Variants in KIF21A observed in about 807,000 individuals in gnomAD.
KIF21A encodes the protein kinesin family member 21A, also known as kinesin-like protein KIF21A.
A neutral mutation model predicts 202.9 loss-of-function variants in KIF21A; 114 were observed. That is an observed-to-expected ratio of 0.56 (90% confidence interval 0.48 to 0.66). The LOEUF is 0.66. Among genes scored for constraint, KIF21A ranks in the 30% least tolerant of loss-of-function variants. The pLI, the probability that KIF21A is intolerant of heterozygous loss-of-function variation, is 0.00. For synonymous variants in KIF21A, 667 were observed against 670.8 expected, an observed-to-expected ratio of 0.99 and a Z score of 0.09; for missense variants, 1,677 against 1,994.9, an observed-to-expected ratio of 0.84 and a Z score of 3.04.
Position 39,358,197 on chromosome 12 carries a change from TC to T in KIF21A, c.1195del (p.Glu399SerfsTer11). 1 of 1,614,046 alleles carries T rather than the reference TC, an allele frequency of 6.2e-7. No homozygotes were observed. The highest frequency in any genetic ancestry group is 1.7e-4 in the Middle Eastern group (1 of 6,060). ...LRSEITRLQM[E>X]LMEYKTGKRI... ...GCTTACTGTTTTGTACTCCATGAGC[TC>T]CATCTGAAGTCGTGTGATTTCACTA... On this transcript the variant is annotated frameshift_variant, in exon 8 of 38. Transcript: ENST00000361418. LOFTEE classifies it high-confidence loss of function.
chr12:39,305,064 T>C, intron 34 of KIF21A, 126 bp from the exon 35 acceptor site: 4 of 620,810 alleles, frequency 6.4e-6, no homozygotes, highest in Admixed American at 2.4e-5. Flanking sequence ...TCTTTGTATA[T>C]GTTTAGAGAT....
At chr12:39,436,994 T>C (rs1267533069) in intron 1 of KIF21A, among the ~76,000 whole-genome samples, 1 of 152,218 alleles carries the variant, frequency 6.6e-6, no homozygotes, top group African/African-American at 2.4e-5. Context: ...ACTCAGATTA[T>C]GTCAGGCCAC....
chr12:39,440,294 C>A (rs1411747518), intron 1 of KIF21A, among the ~76,000 whole-genome samples: 1 of 152,174 alleles, frequency 6.6e-6, no homozygotes. Flanking sequence ...CTCACTTCCG[C>A]AGGGTTAATG....
intron 1 of KIF21A, among the ~76,000 whole-genome samples, chr12:39,432,100 T>C (rs77198622): frequency 0.015 from 2,219 of 152,218 alleles, 29 homozygotes; most frequent in Non-Finnish European, 0.022. Flanking sequence ...TGAACTGAGG[T>C]GAAAGCAAGC....
Position 39,366,511 on chromosome 12 carries a change from C to A in KIF21A, c.742G>T (p.Ala248Ser). 1 of 1,600,246 alleles carries A rather than the reference C, an allele frequency of 6.2e-7. No homozygotes were observed. The highest frequency in any genetic ancestry group is 8.6e-7 in the Non-Finnish European group (1 of 1,167,976). ...RVCPQIDADNATDNKIISESA... is the reference protein window; with the variant it reads ...RVCPQIDADNSTDNKIISESA... ...TCAGAAATAATTTTATTATCAGTTGCATTGTCCTGAAATTAAGAAAAATAA... is the reference window on the plus strand; with the variant it reads ...TCAGAAATAATTTTATTATCAGTTGAATTGTCCTGAAATTAAGAAAAATAA... Residue 248 changes from alanine (A) to serine (S), a missense_variant, in exon 6 of 38, where the codon GCA becomes TCA. Physicochemically the swap from Ala to Ser is moderately conservative, Grantham distance 99. This residue lies in a region of KIF21A where 966 missense variants were observed against 1,180.9 expected (regional missense o/e 0.82). Coordinates refer to ENST00000361418, the MANE Select transcript of KIF21A (RefSeq NM_001173464.2).
At chr12:39,329,576 G>T (rs1946318086) in intron 24 of KIF21A, among the ~76,000 whole-genome samples, 1 of 151,876 alleles carries the variant, frequency 6.6e-6, no homozygotes, top group Admixed American at 6.6e-5. Context: ...GGAAAGAAGA[G>T]GAGGACGGAC....
chr12:39,433,003 C>T (rs557109905), intron 1 of KIF21A, among the ~76,000 whole-genome samples: 2 of 152,242 alleles, frequency 1.3e-5, no homozygotes, highest in Admixed American at 1.3e-4. Flanking sequence ...TTTCAAAAAA[C>T]TGTAGGTACA....
intron 1 of KIF21A, among the ~76,000 whole-genome samples, chr12:39,396,208 C>T (rs1951746900): frequency 6.6e-6 from 1 of 152,122 alleles, no homozygotes; most frequent in Non-Finnish European, 1.5e-5. Flanking sequence ...CTTTAAAAAT[C>T]CTATGGTAAA....
intron 36 of KIF21A, among the ~76,000 whole-genome samples, chr12:39,302,105 C>G (rs1230630897): frequency 6.6e-6 from 1 of 151,992 alleles, no homozygotes; most frequent in Admixed American, 6.6e-5. Context: ...AATATAGAGG[C>G]CTGAAGATTT....
chr12:39,442,088 C>T lies in KIF21A; in HGVS notation c.44+839G>A, dbSNP rs112588665. On this transcript the variant is annotated intron_variant, in intron 1 of 37. Coordinates refer to ENST00000361418, the MANE Select transcript of KIF21A (RefSeq NM_001173464.2). This position sits in a 1 kb window ranked among gnomAD's most constrained non-coding sequence, Gnocchi z 5.0. ...CCGAAATTACATCGAATACTCGTGC[C>T]TGTCATTGGCCGAAATATAATTTCA... Among the ~76,000 whole-genome samples, 3 of 152,282 alleles carry T rather than the reference C, an allele frequency of 2.0e-5. 1 individual carries two copies. Among genetic ancestry groups the T allele is most frequent in the African/African-American group, 7.2e-5 (3 of 41,568 alleles).
At chr12:39,349,943 C>T (rs527908023) in intron 11 of KIF21A, among the ~76,000 whole-genome samples, 54 of 151,832 alleles carry the variant, frequency 3.6e-4, no homozygotes, top group South Asian at 1.0e-3. Context: ...TGTCAGTGTA[C>T]GAAGGTACAC....
At chr12:39,391,899 C>T (rs1196342270) in intron 1 of KIF21A, among the ~76,000 whole-genome samples, 3 of 152,002 alleles carry the variant, frequency 2.0e-5, no homozygotes, top group African/African-American at 4.8e-5. Context: ...CCATTACACC[C>T]GGCTAATTTT....
intron 1 of KIF21A, among the ~76,000 whole-genome samples, chr12:39,418,207 A>C (rs1458234757): frequency 6.6e-6 from 1 of 151,878 alleles, no homozygotes; most frequent in Non-Finnish European, 1.5e-5. Context: ...AAAAAAAAAA[A>C]GAGCAAAGAG....
chr12:39,383,220 G>A (rs772303513), intron 1 of KIF21A, among the ~76,000 whole-genome samples: 5 of 152,274 alleles, frequency 3.3e-5, no homozygotes, highest in Non-Finnish European at 5.9e-5. Context: ...AGATAAATGT[G>A]ATCCATTAGC....
At position 39,418,965 on chromosome 12, in the gene KIF21A, T is replaced by C. The variant is rs190916848; in HGVS notation, c.44+23962A>G. On this transcript the variant is annotated intron_variant, in intron 1 of 37. Transcript: ENST00000361418. ...TGTTCAATTACAGTTTCTCAAACAG[T>C]GGTTTTGTTTGGTTTGGTTTTCTCT... is the stretch of plus-strand genomic sequence containing the variant. 2.0e-3 allele frequency among the ~76,000 whole-genome samples: 306 copies of C among 152,308 alleles called. 4 individuals carry two copies. The highest frequency in any genetic ancestry group is 7.0e-3 in the African/African-American group (293 of 41,564).
intron 4 of KIF21A, among the ~76,000 whole-genome samples, chr12:39,367,377 A>G (rs1949673300): frequency 6.6e-6 from 1 of 152,190 alleles, no homozygotes; most frequent in East Asian, 1.9e-4. Flanking sequence ...CTGAGATTCC[A>G]TTGTTGGCCA....
At chr12:39,298,800 G>C (rs560961076) in intron 37 of KIF21A, among the ~76,000 whole-genome samples, 1 of 152,174 alleles carries the variant, frequency 6.6e-6, no homozygotes, top group South Asian at 2.1e-4. Context: ...AAAAATCAAT[G>C]ATATCAGATC....
Position 39,416,791 on chromosome 12 carries a change from A to ATATATATGTACATATATATGTGTG in KIF21A, c.44+26112_44+26135dup, listed in dbSNP as rs1409167253. The stretch of plus-strand genomic sequence containing the variant: ...TATATATATGTACATATATATGTGT[A>ATATATATGTACATATATATGTGTG]TATATATGTACATATATATGTGTGT... On this transcript the variant is annotated intron_variant, in intron 1 of 37. Transcript: ENST00000361418. Among the ~76,000 whole-genome samples the ATATATATGTACATATATATGTGTG allele has an allele frequency of 1.2e-4, 15 of 124,992 alleles. 1 individual carries two copies. Among genetic ancestry groups the ATATATATGTACATATATATGTGTG allele is most frequent in the South Asian group, 2.6e-4 (1 of 3,822 alleles). 82.0% of individuals were successfully genotyped at this position (124,992 alleles called of 152,430 possible). A position where few individuals can be genotyped will look rare whatever the true frequency, so the allele number is the denominator to read the frequency against.
chr12:39,433,369 T>A (rs530184621), intron 1 of KIF21A, among the ~76,000 whole-genome samples: 115 of 152,052 alleles, frequency 7.6e-4, no homozygotes, highest in South Asian at 2.9e-3. Context: ...AAAAAAAAAA[T>A]TTATCAAAAA....
Sources: allele counts gnomAD v4.1 joint callset (sites outside exome capture counted in the v4.1 genomes callset), GRCh38; gene constraint gnomAD v4.1.1; regional missense constraint gnomAD v4.1.1; non-coding constraint Gnocchi (gnomAD v3.1); transcripts MANE v1.5; gene names NCBI Gene and HGNC (gene_info 2026-07-23, HGNC 2026-07-21).